The following STK31 variants were observed in gnomAD, a reference collection of about 807,000 sequenced individuals.
STK31 encodes the protein serine/threonine kinase 31.
A neutral mutation model predicts 129.7 loss-of-function variants in STK31; 89 were observed. The ratio of observed to expected loss-of-function variants is 0.69; its 90% CI spans 0.58 to 0.82. STK31 has a LOEUF of 0.82. Among genes scored for constraint, STK31 ranks in the 40% least tolerant of loss-of-function variants. STK31 has a pLI of 0.00. For missense variants in STK31, 1,187 were observed against 1,176.4 expected (o/e 1.01, Z -0.13); for synonymous variants, 448 against 395.3 (o/e 1.13, Z -1.58).
chr7:23,768,577 G>A (rs997279989), intron 11 of STK31, among the ~76,000 whole-genome samples: 3 of 152,156 alleles, frequency 2.0e-5, no homozygotes, highest in Non-Finnish European at 2.9e-5. Context: ...GTGGAGAGTG[G>A]TGGATGTTGA....
At chr7:23,773,734 AGTGT>A (rs58341131) in intron 15 of STK31, among the ~76,000 whole-genome samples, 19,631 of 130,132 alleles carry the variant, frequency 0.15, 1,254 homozygotes, top group East Asian at 0.22. Flanking sequence ...TGTGTGTGTG[AGTGT>A]GTGTGTGTGT....
intron 22 of STK31, among the ~76,000 whole-genome samples, chr7:23,808,167 A>ATTT (rs113421154): frequency 2.9e-4 from 35 of 121,056 alleles, no homozygotes; most frequent in South Asian, 8.7e-4. Context: ...ATATATATAT[A>ATTT]TATTTTTTGT....
chr7:23,790,899 G>C lies in STK31; in HGVS notation c.2713G>C (p.Ala905Pro). 1.2e-6 allele frequency: 2 copies of C among 1,608,092 alleles called. No homozygotes were observed. Among genetic ancestry groups the C allele is most frequent in the Non-Finnish European group, 1.7e-6 (2 of 1,177,632 alleles). ...ACCTGAGTTGAAAATGGGAAAACCT[G>C]CTTCTCCAGGTTCAGACTTATATGC... is the stretch of plus-strand genomic sequence containing the variant. ...MSPELKMGKP[A>P]SPGSDLYAYG... Residue 905 changes from alanine (A) to proline (P), a missense_variant, in exon 22 of 24, where the codon GCT (alanine) becomes CCT (proline). Transcript: ENST00000355870.
At chr7:23,783,237 AG>A (rs1211891573) in intron 16 of STK31, among the ~76,000 whole-genome samples, 1 of 152,204 alleles carries the variant, frequency 6.6e-6, no homozygotes, top group African/African-American at 2.4e-5. Flanking sequence ...AAGTGGTTGA[AG>A]TATGGCGGCT....
chr7:23,750,067 T>TCCCA (rs1491409499), intron 8 of STK31, among the ~76,000 whole-genome samples: 1 of 90,556 alleles, frequency 1.1e-5, no homozygotes, highest in South Asian at 4.6e-4. Flanking sequence ...ATGGTTTGTT[T>TCCCA]CCCCCCCCGC....
chr7:23,786,457 A>T, intron 18 of STK31, 51 bp from the exon 19 acceptor site: 2 of 1,546,604 alleles, frequency 1.3e-6, no homozygotes, highest in Non-Finnish European at 8.7e-7. Context: ...ATGTATAATT[A>T]TAATGAGATT....
At chr7:23,736,607 C>T (rs7776862) in intron 7 of STK31, among the ~76,000 whole-genome samples, 117,470 of 141,922 alleles carry the variant, frequency 0.83, 48,840 homozygotes, top group South Asian at 0.92. Context: ...ACAGGAGGGA[C>T]TGGAAAAAAA....
chr7:23,729,825 T>C (rs1787297110), intron 6 of STK31, among the ~76,000 whole-genome samples: 1 of 152,194 alleles, frequency 6.6e-6, no homozygotes, highest in African/African-American at 2.4e-5. Context: ...TAGTCTCTTA[T>C]ATGATGGAGA....
At chr7:23,714,383 A>G (rs1786170168) in intron 3 of STK31, among the ~76,000 whole-genome samples, 1 of 152,224 alleles carries the variant, frequency 6.6e-6, no homozygotes, top group African/African-American at 2.4e-5. Context: ...ATACAGAAAC[A>G]TCATTTATCA....
intron 10 of STK31, among the ~76,000 whole-genome samples, chr7:23,760,707 T>C (rs1789411787): frequency 6.6e-6 from 1 of 152,192 alleles, no homozygotes; most frequent in South Asian, 2.1e-4. Context: ...TCACCCAGGC[T>C]GGAGTGCAGT....
At chr7:23,758,772 G>C (rs1262407590) in intron 10 of STK31, among the ~76,000 whole-genome samples, 1 of 152,094 alleles carries the variant, frequency 6.6e-6, no homozygotes, top group East Asian at 1.9e-4. Flanking sequence ...CCATGACATT[G>C]TGTGGTTTTG....
intron 22 of STK31, among the ~76,000 whole-genome samples, chr7:23,796,812 C>T (rs1791988950): frequency 6.6e-6 from 1 of 152,116 alleles, no homozygotes; most frequent in Non-Finnish European, 1.5e-5. Context: ...AAGACACAGA[C>T]TGGCAAATTG....
intron 22 of STK31, among the ~76,000 whole-genome samples, chr7:23,809,611 G>A (rs1487347619): frequency 6.6e-6 from 1 of 152,086 alleles, no homozygotes; most frequent in Non-Finnish European, 1.5e-5. Flanking sequence ...CAGGCTTTAT[G>A]TCTTATTAAT....
chr7:23,711,992 A>T, intron 1 of STK31, 107 bp from the exon 2 acceptor site: 1 of 912,922 alleles, frequency 1.1e-6, no homozygotes, highest in Non-Finnish European at 1.6e-6. Flanking sequence ...GAATTTTGAT[A>T]ACTGCATTTA....
At chr7:23,792,226 A>G (rs192716602) in intron 22 of STK31, among the ~76,000 whole-genome samples, 111 of 152,354 alleles carry the variant, frequency 7.3e-4, no homozygotes, top group Non-Finnish European at 9.8e-4. Context: ...ATGCTTAATT[A>G]TGTAGAAAAT....
chr7:23,750,540 T>A (rs1419093631), intron 8 of STK31, among the ~76,000 whole-genome samples: 1 of 152,232 alleles, frequency 6.6e-6, no homozygotes, highest in East Asian at 1.9e-4. Context: ...TTTTGTTCTT[T>A]TGTAATATAC....
chr7:23,788,099 T>C lies in STK31; in HGVS notation c.2607T>C (p.Ile869=), dbSNP rs753401619. The C allele has an allele frequency of 1.2e-5, 20 of 1,611,310 alleles. No homozygotes were observed. Among genetic ancestry groups the C allele is most frequent in the Non-Finnish European group, 1.7e-5 (20 of 1,179,054 alleles). The change falls in exon 21 of 24, where the codon ATT becomes ATC. Residue 869 remains isoleucine, a synonymous_variant. Transcript: ENST00000355870. ...NVFALNREQG[I]VGDFDFTKSV... ...TTGCTTTAAACCGTGAACAAGGAAT[T>C]GTTGGAGATTTTGACTTCACCAAAT...
chr7:23,743,206 G>A (rs1017009111), intron 8 of STK31, among the ~76,000 whole-genome samples: 8 of 152,012 alleles, frequency 5.3e-5, no homozygotes, highest in African/African-American at 1.9e-4. Context: ...TGCCCACTTC[G>A]GCCTCCCAAA....
At chr7:23,747,213 G>A (rs1310391896) in intron 8 of STK31, among the ~76,000 whole-genome samples, 2 of 152,046 alleles carry the variant, frequency 1.3e-5, no homozygotes, top group Non-Finnish European at 2.9e-5. Context: ...TATTTCCTCT[G>A]CTTCTATTCA....
Sources: gnomAD v4.1 joint callset for allele counts (sites outside exome capture counted in the v4.1 genomes callset) on GRCh38, gnomAD v4.1.1 for gene constraint, MANE v1.5 for transcripts, NCBI Gene and HGNC (gene_info 2026-07-23, HGNC 2026-07-21) for gene names.